SMUG1: variants seen among roughly 807,000 people sequenced by gnomAD.
The protein encoded by SMUG1 is single-strand-selective monofunctional uracil-DNA glycosylase 1, also known as single-strand selective monofunctional uracil DNA glycosylase.
A neutral mutation model predicts 23.9 loss-of-function variants in SMUG1; 13 were observed. The observed-to-expected ratio is 0.54, with a 90% CI of 0.35 to 0.86. The LOEUF is 0.86. Ranked by LOEUF, SMUG1 falls within the 40% of genes least tolerant of loss-of-function variation. The pLI, the probability that SMUG1 is intolerant of heterozygous loss-of-function variation, is 0.01. For synonymous variants in SMUG1, 133 were observed against 139.8 expected (o/e 0.95, Z 0.34); for missense variants, 313 against 339.5 (o/e 0.92, Z 0.61).
At chr12:54,163,727 C>T (rs1322093542), downstream of SMUG1, among the ~76,000 whole-genome samples, 5 of 152,224 alleles carry the variant, frequency 3.3e-5, no homozygotes, top group African/African-American at 1.2e-4. Context: ...AGCCCCAATT[C>T]TGATTAACTG....
chr12:54,188,829 A>C (rs1943153597), intron 1 of SMUG1, 122 bp downstream of exon 1: 1 of 152,006 alleles, frequency 6.6e-6, no homozygotes, highest in Non-Finnish European at 1.5e-5. Context: ...GTCTTACCCC[A>C]TACGGAGGGA....
chr12:54,188,295 A>AATAAATAATAAT (rs869289712), intron 1 of SMUG1, among the ~76,000 whole-genome samples: 4 of 68,894 alleles, frequency 5.8e-5, no homozygotes, highest in East Asian at 4.0e-4. Context: ...TAATAATAAT[A>AATAAATAATAAT]AATAATAATA....
At chr12:54,160,697 C>T (rs1940225053), downstream of SMUG1, among the ~76,000 whole-genome samples, 1 of 152,232 alleles carries the variant, frequency 6.6e-6, no homozygotes, top group African/African-American at 2.4e-5. Context: ...CCCCCAAGGC[C>T]TCATTTCTTC....
chr12:54,182,174 T>G lies in SMUG1; in HGVS notation c.735A>C (p.Pro245=), dbSNP rs1941210664. 6.2e-7 allele frequency: 1 copy of G among 1,607,136 alleles called. No individual in the cohort carries two copies. Among genetic ancestry groups the G allele is most frequent in the Non-Finnish European group, 8.5e-7 (1 of 1,175,570 alleles). ...CTGCCTCCCAGCCCTTGTTGGCCTG[T>G]GGGTTACGGGGAGAGGGATGCAGGA... ...EGLLHPSPRN[P]QANKGWEAVA... Residue 245 remains proline, a synonymous_variant, in exon 4 of 4, where the codon CCA becomes CCC. Transcript: ENST00000682136.
downstream of SMUG1, among the ~76,000 whole-genome samples, chr12:54,161,301 G>A (rs1051886747): frequency 1.3e-5 from 2 of 152,058 alleles, no homozygotes; most frequent in African/African-American, 2.4e-5. This position sits in a 1 kb window ranked among gnomAD's most constrained non-coding sequence, Gnocchi z 4.2. Flanking sequence ...AGGCCCAGCC[G>A]CCCCGCAAAC....
intron 3 of SMUG1, among the ~76,000 whole-genome samples, chr12:54,168,922 A>G (rs1940550278): frequency 6.6e-6 from 1 of 152,192 alleles, no homozygotes; most frequent in African/African-American, 2.4e-5. Flanking sequence ...AATGAGAAAA[A>G]GGGAGTCTAA....
downstream of SMUG1, among the ~76,000 whole-genome samples, chr12:54,175,946 G>T (rs1458724499): frequency 6.6e-6 from 1 of 152,210 alleles, no homozygotes; most frequent in African/African-American, 2.4e-5. Context: ...AAAGGCCGGG[G>T]CCAGGCACAG....
In SMUG1 at chr12:54,181,651, T is replaced by C; in HGVS notation, c.*445A>G. ...GTCCCATGCTTTGTCTTGGTCCCTG[T>C]GAGGAAAGGGGTCAGCTAAAGGTAA... On this transcript the variant is annotated 3_prime_UTR_variant, in exon 4 of 4. Transcript: ENST00000682136. 1 of 1,589,612 alleles carries C rather than the reference T, an allele frequency of 6.3e-7. No homozygotes were observed. Among genetic ancestry groups the C allele is most frequent in the Non-Finnish European group, 8.5e-7 (1 of 1,175,512 alleles).
chr12:54,179,603 T>C (rs1940839370), downstream of SMUG1, among the ~76,000 whole-genome samples: 1 of 152,162 alleles, frequency 6.6e-6, no homozygotes, highest in Non-Finnish European at 1.5e-5. Context: ...TGATGCTAAC[T>C]ACAGGGAGTT....
At chr12:54,162,221 T>C (rs557695421), downstream of SMUG1, 1 of 152,294 alleles carries the variant, frequency 6.6e-6, no homozygotes, top group South Asian at 2.1e-4. Context: ...CACCCCCAGA[T>C]CCAGTGTGGA....
At position 54,182,189 on chromosome 12, in the gene SMUG1, G is replaced by C. The variant is rs757409160; in HGVS notation, c.720C>G (p.Pro240=). ...PEVQVEGLLH[P]SPRNPQANKG... is the part of the protein sequence containing the mutation. ...TGTTGGCCTGTGGGTTACGGGGAGA[G>C]GGATGCAGGAGCCCTTCCACCTGGA... Residue 240 remains proline (P), a synonymous_variant, in exon 4 of 4, where the codon CCC becomes CCG. Coordinates refer to ENST00000682136, the MANE Select transcript of SMUG1 (RefSeq NM_001243787.2). 13 of 1,610,658 alleles carry C rather than the reference G, an allele frequency of 8.1e-6. No homozygotes were observed. In the African/African-American group the frequency reaches 1.5e-4, roughly 18 times the overall value.
Position 54,181,976 on chromosome 12 carries a change from C to T in SMUG1, c.*120G>A, listed in dbSNP as rs1368287914. 1 of 1,502,170 alleles carries T rather than the reference C, an allele frequency of 6.7e-7. No homozygotes were observed. The highest frequency in any genetic ancestry group is 1.4e-5 in the African/African-American group (1 of 71,392). 93.1% of individuals were successfully genotyped at this position (1,502,170 alleles called of 1,614,324 possible). On this transcript the variant is annotated 3_prime_UTR_variant, in exon 4 of 4. Transcript: ENST00000682136. ...GTTCAACAGATCAAAGAATACGTTT[C>T]CCAGCGACCAGGGTGCACAGAAGGA... is the stretch of plus-strand genomic sequence containing the variant.
chr12:54,160,650 C>G (rs1166888108), downstream of SMUG1, among the ~76,000 whole-genome samples: 2 of 152,240 alleles, frequency 1.3e-5, no homozygotes, highest in African/African-American at 4.8e-5. Context: ...AAGTGAAGGT[C>G]TCTCTGGATC....
intron 2 of SMUG1, among the ~76,000 whole-genome samples, chr12:54,186,424 C>T (rs750927270): frequency 3.9e-5 from 6 of 151,924 alleles, no homozygotes; most frequent in Non-Finnish European, 8.8e-5. Flanking sequence ...CTCACTGCAA[C>T]CTCTGCCTCC....
At chr12:54,166,334 C>T (rs897640875) in intron 3 of SMUG1, among the ~76,000 whole-genome samples, 8 of 152,220 alleles carry the variant, frequency 5.3e-5, no homozygotes, top group Non-Finnish European at 1.2e-4. Context: ...GTACTCCAGC[C>T]TGTGCAACAG....
chr12:54,164,592 C>T (rs1940382331), downstream of SMUG1: 1 of 152,412 alleles, frequency 6.6e-6, no homozygotes, highest in Non-Finnish European at 1.5e-5. Context: ...CTCCTGCCAG[C>T]CTCTACTTTC....
intron 3 of SMUG1, among the ~76,000 whole-genome samples, chr12:54,169,063 G>A (rs772820864): frequency 2.0e-5 from 3 of 152,158 alleles, no homozygotes; most frequent in Non-Finnish European, 4.4e-5. Flanking sequence ...TGAGAGGGAA[G>A]CACCCTCCAC....
chr12:54,186,350 GTTTTTT>G lies in SMUG1; in HGVS notation c.-20+1463_-20+1468del, dbSNP rs113586007. Among the ~76,000 whole-genome samples, 444 of 74,654 alleles carry G rather than the reference GTTTTTT, an allele frequency of 5.9e-3. 5 individuals are homozygous for G. The highest frequency in any genetic ancestry group is 0.015 in the African/African-American group (408 of 26,528). 49.0% of individuals were successfully genotyped at this position (74,654 alleles called of 152,430 possible). On this transcript the variant is annotated intron_variant, in intron 2 of 3. Coordinates refer to ENST00000682136, the MANE Select transcript of SMUG1 (RefSeq NM_001243787.2). Reference sequence around the variant, plus strand: ...TGTGTTTTTTGTTTTGTTTTGTTTTGTTTTTTTTTTGAGACAGAATCTTGCTCTGTC... The same window carrying G: ...TGTGTTTTTTGTTTTGTTTTGTTTTGTTTTGAGACAGAATCTTGCTCTGTC...
chr12:54,161,090 C>A (rs1317298033), downstream of SMUG1, among the ~76,000 whole-genome samples: 1 of 152,176 alleles, frequency 6.6e-6, no homozygotes, highest in East Asian at 1.9e-4. The surrounding 1 kb of genome is among the most constrained non-coding windows in gnomAD (Gnocchi z 4.2). Flanking sequence ...CACATCGTCA[C>A]CCCATTTTGG....
Sources: gnomAD v4.1 joint callset for allele counts (sites outside exome capture counted in the v4.1 genomes callset) on GRCh38, gnomAD v4.1.1 for gene constraint, Gnocchi (gnomAD v3.1) non-coding constraint, MANE v1.5 for transcripts, NCBI Gene and HGNC (gene_info 2026-07-23, HGNC 2026-07-21) for gene names.